PPP1R12A: variants seen among roughly 807,000 people sequenced by gnomAD.
PPP1R12A encodes the protein myosin binding subunit.
In PPP1R12A, 19 loss-of-function variants were observed where a neutral mutation model predicts 139.6. The ratio of observed to expected loss-of-function variants is 0.14; its 90% CI spans 0.09 to 0.20. PPP1R12A has a LOEUF of 0.20. Ranked by LOEUF, PPP1R12A falls within the 10% of genes least tolerant of loss-of-function variation. PPP1R12A has a pLI of 1.00. For synonymous variants in PPP1R12A, 427 were observed against 420.6 expected, an observed-to-expected ratio of 1.02 and a Z score of -0.19; for missense variants, 925 against 1,211.5, an observed-to-expected ratio of 0.76 and a Z score of 3.51.
chr12:79,895,761 C>G (rs1462348437), intron 1 of PPP1R12A, among the ~76,000 whole-genome samples: 1 of 152,132 alleles, frequency 6.6e-6, no homozygotes, highest in Admixed American at 6.5e-5. Context: ...CAGATTTTGT[C>G]AACAATTACT....
At chr12:79,778,519 C>T (rs1305550028) in intron 24 of PPP1R12A, 31 bp downstream of exon 24, 2 of 1,408,882 alleles carry the variant, frequency 1.4e-6, no homozygotes, top group Non-Finnish European at 1.9e-6. Flanking sequence ...ATAAACAGCA[C>T]TCTCTCTCAT....
intron 2 of PPP1R12A, among the ~76,000 whole-genome samples, chr12:79,868,225 T>C (rs983967212): frequency 6.6e-6 from 1 of 152,242 alleles, no homozygotes; most frequent in African/African-American, 2.4e-5. Context: ...AGATGTATAA[T>C]GAATTGATAA....
At chr12:79,850,502 T>G (rs553192436) in intron 2 of PPP1R12A, among the ~76,000 whole-genome samples, 1 of 152,288 alleles carries the variant, frequency 6.6e-6, no homozygotes, top group East Asian at 1.9e-4. Flanking sequence ...AAGAAAAAAT[T>G]TAAGAAAAAC....
chr12:79,931,055 G>A (rs555061089), intron 1 of PPP1R12A, among the ~76,000 whole-genome samples: 1 of 152,100 alleles, frequency 6.6e-6, no homozygotes, highest in East Asian at 1.9e-4. Flanking sequence ...AATTCCTGAC[G>A]ATGTAAAATT....
At chr12:79,832,598 G>A (rs1470358869) in intron 3 of PPP1R12A, 107 bp from the exon 4 acceptor site, 2 of 1,204,426 alleles carry the variant, frequency 1.7e-6, no homozygotes, top group African/African-American at 3.1e-5. Flanking sequence ...AAAAGTGAAA[G>A]TATGTCTTTT....
At chr12:79,883,875 T>C (rs960267331) in intron 1 of PPP1R12A, among the ~76,000 whole-genome samples, 11 of 152,146 alleles carry the variant, frequency 7.2e-5, no homozygotes, top group African/African-American at 1.9e-4. Context: ...CACCATCTAG[T>C]ACAGAAGACA....
chr12:79,830,365 ATTC>A (rs1349427247), intron 4 of PPP1R12A, among the ~76,000 whole-genome samples: 2 of 152,182 alleles, frequency 1.3e-5, no homozygotes, highest in Non-Finnish European at 2.9e-5. Context: ...GAGATTTCTC[ATTC>A]TTGTTTTGTT....
intron 9 of PPP1R12A, among the ~76,000 whole-genome samples, chr12:79,812,712 A>C (rs1253347667): frequency 6.6e-6 from 1 of 152,138 alleles, no homozygotes; most frequent in South Asian, 2.1e-4. Flanking sequence ...ATCTAGAACT[A>C]TAACTGAAAA....
intron 6 of PPP1R12A, 87 bp downstream of exon 6, chr12:79,822,029 A>G: frequency 1.0e-6 from 1 of 991,026 alleles, no homozygotes; most frequent in Non-Finnish European, 1.5e-6. Context: ...AAAAAGTACA[A>G]AACATCACAA....
chr12:79,873,436 G>A (rs1882771087), intron 1 of PPP1R12A, among the ~76,000 whole-genome samples: 5 of 150,822 alleles, frequency 3.3e-5, no homozygotes, highest in Admixed American at 3.3e-4. Context: ...TAATGGCAGT[G>A]GCCAAAAAAA....
intron 1 of PPP1R12A, among the ~76,000 whole-genome samples, chr12:79,930,750 C>A (rs1888192552): frequency 1.3e-5 from 2 of 151,754 alleles, no homozygotes. Context: ...CCAGCCTGGG[C>A]AACAAGAGCA....
Position 79,821,241 on chromosome 12 carries a change from A to G in PPP1R12A, c.868-75T>C, listed in dbSNP as rs1036277028. 4.9e-6 allele frequency: 5 copies of G among 1,030,870 alleles called. No individual in the cohort carries two copies. In the African/African-American group the frequency reaches 6.5e-5, roughly 13 times the overall value. 63.9% of individuals were successfully genotyped at this position (1,030,870 alleles called of 1,614,324 possible). On this transcript the variant is annotated intron_variant, in intron 6 of 24. Transcript: ENST00000450142. The stretch of plus-strand genomic sequence containing the variant: ...TTACTAAGATGCAGAGTTTAAAATA[A>G]TAACAAAGTAGTTTTTCAGACATTA...
At chr12:79,809,414 T>C (rs1874252367) in intron 10 of PPP1R12A, among the ~76,000 whole-genome samples, 1 of 152,176 alleles carries the variant, frequency 6.6e-6, no homozygotes, top group African/African-American at 2.4e-5. Context: ...TTTTTTCAGA[T>C]ACTGAATAAA....
At chr12:79,930,705 G>A (rs967335976) in intron 1 of PPP1R12A, among the ~76,000 whole-genome samples, 1 of 152,126 alleles carries the variant, frequency 6.6e-6, no homozygotes, top group Non-Finnish European at 1.5e-5. Flanking sequence ...CCGGGAGGTG[G>A]AGGTTTCAGT....
At chr12:79,851,038 G>A (rs1005583450) in intron 2 of PPP1R12A, among the ~76,000 whole-genome samples, 1 of 152,076 alleles carries the variant, frequency 6.6e-6, no homozygotes, top group Non-Finnish European at 1.5e-5. Flanking sequence ...ATACATTATT[G>A]TAGAAAAAGT....
rs1285098899 is a variant in PPP1R12A, at chr12:79,795,723, T to C, written c.2498A>G (p.Asp833Gly). The C allele has an allele frequency of 1.9e-5, 31 of 1,611,538 alleles. No homozygotes were observed. The highest frequency in any genetic ancestry group is 2.5e-5 in the Non-Finnish European group (30 of 1,178,424). Residue 833 changes from aspartate to glycine, a missense_variant, in exon 18 of 25, where the codon GAT (aspartate) becomes GGT (glycine). Asp to Gly is a moderately conservative substitution (Grantham distance 94). Coordinates refer to ENST00000450142, the MANE Select transcript of PPP1R12A (RefSeq NM_002480.3). ...TCTGATTGATTTAGGTTGTGATTTA[T>C]CTTCTCCTTCTTTCTCCTCTTCTCT... ...EKREEEKEGE[D>G]KSQPKSIRER...
At chr12:79,794,569 ATGT>A (rs1408583763) in intron 18 of PPP1R12A, among the ~76,000 whole-genome samples, 5 of 152,012 alleles carry the variant, frequency 3.3e-5, no homozygotes, top group East Asian at 1.9e-4. Flanking sequence ...TGACCTAAAT[ATGT>A]TGTTTATTAA....
chr12:79,912,799 A>C (rs2136918339), intron 1 of PPP1R12A, among the ~76,000 whole-genome samples: 1 of 152,310 alleles, frequency 6.6e-6, no homozygotes, highest in East Asian at 1.9e-4. Flanking sequence ...TTTTATAACC[A>C]ATCACTTTAA....
Position 79,797,316 on chromosome 12 carries a change from T to C in PPP1R12A, c.2171A>G (p.Asn724Ser), listed in dbSNP as rs1163859509. 2.5e-6 allele frequency: 4 copies of C among 1,597,542 alleles called. No homozygotes were observed. The highest frequency in any genetic ancestry group is 2.7e-5 in the African/African-American group (2 of 74,672). ...TTTTTCCTCTTTTTCTTTTTCTTCATTTTCTTGTTCTCTGGTTCGGGTAGA... is the reference window on the plus strand; with the variant it reads ...TTTTTCCTCTTTTTCTTTTTCTTCACTTTCTTGTTCTCTGGTTCGGGTAGA... ...SRSTRTREQE[N>S]EEKEKEEKEK... The change falls in exon 16 of 25, where the codon AAT (asparagine) becomes AGT (serine). Residue 724 changes from asparagine (N) to serine (S), a missense_variant. Asn to Ser is a conservative substitution (Grantham distance 46). This residue lies in a region of PPP1R12A where 315 missense variants were observed against 363.4 expected (regional missense o/e 0.87). Coordinates refer to ENST00000450142, the MANE Select transcript of PPP1R12A (RefSeq NM_002480.3).
Sources: gnomAD v4.1 joint callset for allele counts (sites outside exome capture counted in the v4.1 genomes callset) on GRCh38, gnomAD v4.1.1 for gene constraint, gnomAD v4.1.1 regional missense constraint, MANE v1.5 for transcripts, NCBI Gene and HGNC (gene_info 2026-07-23, HGNC 2026-07-21) for gene names.